SLC24A3: variants seen among roughly 807,000 people sequenced by gnomAD.
The protein encoded by SLC24A3 is sodium/potassium/calcium exchanger 3.
SLC24A3 carries 28 observed loss-of-function variants against 75.8 expected under a neutral mutation model. The observed-to-expected ratio is 0.37, with a 90% confidence interval of 0.27 to 0.51. The LOEUF is 0.51. SLC24A3 is among the 20% of genes least tolerant of loss of function. SLC24A3 has a pLI of 0.94. For synonymous variants in SLC24A3, 372 were observed against 334.1 expected (o/e 1.11, Z -1.24); for missense variants, 663 against 847.8 (o/e 0.78, Z 2.71).
chr20:19,569,560 C>T (rs2031017003), intron 3 of SLC24A3, among the ~76,000 whole-genome samples: 6 of 152,170 alleles, frequency 3.9e-5, no homozygotes, highest in Admixed American at 3.3e-4. Flanking sequence ...GGAGATCAGC[C>T]TCTAACGACC....
chr20:19,586,160 A>G (rs12624746), intron 6 of SLC24A3, among the ~76,000 whole-genome samples: 20,657 of 152,106 alleles, frequency 0.14, 1,498 homozygotes, highest in African/African-American at 0.17. Context: ...TGTTTTGGAA[A>G]GTCTGGGGAA....
At chr20:19,247,483 TA>T (rs1334404828) in intron 1 of SLC24A3, among the ~76,000 whole-genome samples, 7 of 152,154 alleles carry the variant, frequency 4.6e-5, no homozygotes, top group Non-Finnish European at 1.0e-4. Context: ...AATCCTGAGG[TA>T]GTAATGTTGT....
intron 3 of SLC24A3, among the ~76,000 whole-genome samples, chr20:19,557,260 C>A (rs1832114007): frequency 6.6e-6 from 1 of 152,170 alleles, no homozygotes; most frequent in African/African-American, 2.4e-5. Flanking sequence ...ATACTGAATC[C>A]TGCCCCAGCA....
chr20:19,602,190 T>G (rs1201153171), intron 6 of SLC24A3, among the ~76,000 whole-genome samples: 2 of 152,106 alleles, frequency 1.3e-5, no homozygotes, highest in African/African-American at 4.8e-5. Context: ...AATAAATAAG[T>G]TATTATTGTT....
At chr20:19,268,759 A>G (rs1983240897) in intron 1 of SLC24A3, among the ~76,000 whole-genome samples, 1 of 152,236 alleles carries the variant, frequency 6.6e-6, no homozygotes, top group South Asian at 2.1e-4. Flanking sequence ...CAAGATCACT[A>G]TACCAAGTCA....
chr20:19,324,225 A>G (rs1310000256), intron 2 of SLC24A3, among the ~76,000 whole-genome samples: 1 of 152,176 alleles, frequency 6.6e-6, no homozygotes, highest in Non-Finnish European at 1.5e-5. Context: ...AGAAGTCACA[A>G]GTGGATGTTG....
chr20:19,566,080 G>A (rs1482703501), intron 3 of SLC24A3, among the ~76,000 whole-genome samples: 3 of 152,160 alleles, frequency 2.0e-5, no homozygotes, highest in Non-Finnish European at 4.4e-5. Context: ...GGAGTACCAG[G>A]TACTGCTCTG....
intron 2 of SLC24A3, among the ~76,000 whole-genome samples, chr20:19,511,477 G>A (rs892667686): frequency 8.5e-5 from 13 of 152,126 alleles, no homozygotes; most frequent in East Asian, 5.8e-4. Context: ...ACAGGCGCCC[G>A]CCACCACGCC....
intron 9 of SLC24A3, among the ~76,000 whole-genome samples, chr20:19,677,189 G>C (rs567148927): frequency 1.2e-3 from 177 of 151,692 alleles, no homozygotes; most frequent in African/African-American, 3.9e-3. Context: ...ACTGGGCACT[G>C]TAGTGCATGC....
chr20:19,617,130 T>C (rs1044847834), intron 6 of SLC24A3, among the ~76,000 whole-genome samples: 7 of 152,240 alleles, frequency 4.6e-5, no homozygotes, highest in Non-Finnish European at 8.8e-5. Context: ...AACAATCTTA[T>C]GAGTCAAAGC....
intron 2 of SLC24A3, among the ~76,000 whole-genome samples, chr20:19,341,621 C>G (rs1271725032): frequency 6.6e-6 from 1 of 152,208 alleles, no homozygotes; most frequent in East Asian, 1.9e-4. Context: ...CACTTCTTCA[C>G]TCAGCAACTG....
At chr20:19,468,022 C>T (rs1478916191) in intron 2 of SLC24A3, among the ~76,000 whole-genome samples, 2 of 151,864 alleles carry the variant, frequency 1.3e-5, no homozygotes, top group Non-Finnish European at 2.9e-5. Flanking sequence ...CACCAGGGAA[C>T]ATGAGGTTGG....
intron 1 of SLC24A3, among the ~76,000 whole-genome samples, chr20:19,266,534 G>A (rs1211895773): frequency 6.6e-6 from 1 of 152,176 alleles, no homozygotes; most frequent in Non-Finnish European, 1.5e-5. Context: ...AGAGAAAACA[G>A]CAGACAATTT....
At position 19,503,536 on chromosome 20, in the gene SLC24A3, A is replaced by G. The variant is rs868299171; in HGVS notation, c.272-11952A>G. 4.6e-5 allele frequency among the ~76,000 whole-genome samples: 7 copies of G among 152,240 alleles called. No individual in the cohort carries two copies. The South Asian group carries it at 6.2e-4, about 14-fold the overall frequency. On this transcript the variant is annotated intron_variant, in intron 2 of 16. Transcript: ENST00000328041. ...TGCAGATTCTTTAGTGCTTTGACCTAAAATTATAGGTAAATGGTCAAAAAA... is the reference window on the plus strand; with the variant it reads ...TGCAGATTCTTTAGTGCTTTGACCTGAAATTATAGGTAAATGGTCAAAAAA...
chr20:19,645,018 T>C (rs2032119461), intron 6 of SLC24A3, among the ~76,000 whole-genome samples: 1 of 152,250 alleles, frequency 6.6e-6, no homozygotes, highest in African/African-American at 2.4e-5. Context: ...TGTGAGCAAT[T>C]GCGTGCTGGA....
In SLC24A3 at chr20:19,520,481, A is replaced by G. The variant is rs551632189; in HGVS notation, c.348+4917A>G. 5.3e-5 allele frequency among the ~76,000 whole-genome samples: 8 copies of G among 152,282 alleles called. No individual in the cohort carries two copies. The East Asian group carries it at 1.4e-3, about 26-fold the overall frequency. On this transcript the variant is annotated intron_variant, in intron 3 of 16. Coordinates refer to ENST00000328041, the MANE Select transcript of SLC24A3 (RefSeq NM_020689.4). ...TAGGGACTCCCTTGTGCACATCTCC[A>G]TCTTCACACTCCTGTGTCCAGTGCC...
At chr20:19,602,418 T>C (rs950197598) in intron 6 of SLC24A3, among the ~76,000 whole-genome samples, 1 of 152,228 alleles carries the variant, frequency 6.6e-6, no homozygotes, top group African/African-American at 2.4e-5. Flanking sequence ...GCCCCCACAG[T>C]GTCCTTGCTA....
At chr20:19,366,736 T>C (rs2122349989) in intron 2 of SLC24A3, among the ~76,000 whole-genome samples, 1 of 152,114 alleles carries the variant, frequency 6.6e-6, no homozygotes, top group South Asian at 2.1e-4. Flanking sequence ...GGGCTGACAA[T>C]TGGGCCCCAT....
chr20:19,552,375 T>G (rs1021201231), intron 3 of SLC24A3, among the ~76,000 whole-genome samples: 1 of 152,182 alleles, frequency 6.6e-6, no homozygotes, highest in Non-Finnish European at 1.5e-5. Context: ...GCCCAGCAAC[T>G]AGGGGAGAGA....
Sources: gnomAD v4.1 joint callset for allele counts (sites outside exome capture counted in the v4.1 genomes callset) on GRCh38, gnomAD v4.1.1 for gene constraint, MANE v1.5 for transcripts, NCBI Gene and HGNC (gene_info 2026-07-23, HGNC 2026-07-21) for gene names.